Variants in IQCM observed in about 807,000 individuals in gnomAD.
IQCM encodes IQ domain-containing protein M.
IQCM carries 45 observed loss-of-function variants against 57.6 expected under a neutral mutation model. The observed-to-expected ratio is 0.78, with a 90% CI of 0.62 to 1.00. The LOEUF (loss-of-function observed/expected upper bound fraction) is 1.00. IQCM is among the 50% of genes least tolerant of loss of function. The pLI, the probability that IQCM is intolerant of heterozygous loss-of-function variation, is 0.00. For missense variants in IQCM, 468 were observed against 511.6 expected, an observed-to-expected ratio of 0.91 and a Z score of 0.82; for synonymous variants, 148 against 158.9, an observed-to-expected ratio of 0.93 and a Z score of 0.51.
intron 12 of IQCM, among the ~76,000 whole-genome samples, chr4:149,441,449 G>C (rs1417247856): frequency 6.6e-6 from 1 of 152,124 alleles, no homozygotes; most frequent in Non-Finnish European, 1.5e-5. Flanking sequence ...TTAAAACCCA[G>C]CTGGGCAAAC....
chr4:149,493,310 TG>T (rs1742297070), intron 12 of IQCM, among the ~76,000 whole-genome samples: 1 of 152,112 alleles, frequency 6.6e-6, no homozygotes, highest in Non-Finnish European at 1.5e-5. Flanking sequence ...AAAACTTAAA[TG>T]AACTTTAATT....
chr4:149,638,698 G>C (rs1579804791), intron 7 of IQCM, among the ~76,000 whole-genome samples: 1 of 152,278 alleles, frequency 6.6e-6, no homozygotes, highest in East Asian at 1.9e-4. Flanking sequence ...ATTCCAATCA[G>C]TGAATTAGCT....
intron 12 of IQCM, among the ~76,000 whole-genome samples, chr4:149,459,861 A>G (rs1490135155): frequency 6.6e-6 from 1 of 152,220 alleles, no homozygotes; most frequent in Non-Finnish European, 1.5e-5. Context: ...GCTACTGTGA[A>G]TAATGTTGTT....
At chr4:149,456,467 A>T (rs1737711791) in intron 12 of IQCM, among the ~76,000 whole-genome samples, 1 of 152,124 alleles carries the variant, frequency 6.6e-6, no homozygotes, top group Non-Finnish European at 1.5e-5. Flanking sequence ...TTTAATACAC[A>T]ATGTATACAC....
At chr4:149,751,504 C>T (rs1719428773) in intron 2 of IQCM, among the ~76,000 whole-genome samples, 1 of 152,106 alleles carries the variant, frequency 6.6e-6, no homozygotes, top group Admixed American at 6.6e-5. Context: ...AACTTAAGGT[C>T]CTGAATCCTG....
chr4:149,810,362 C>CAAAAAAAAAAAAAAAAAAAAAAAAAAA (rs748565416), intron 2 of IQCM, among the ~76,000 whole-genome samples: 1 of 86,238 alleles, frequency 1.2e-5, no homozygotes, highest in African/African-American at 3.5e-5. Flanking sequence ...ACACCATCTC[C>CAAAAAAAAAAAAAAAAAAAAAAAAAAA]AAAAAAAAAA....
At chr4:149,547,721 T>C (rs1450325092) in intron 12 of IQCM, among the ~76,000 whole-genome samples, 1 of 152,190 alleles carries the variant, frequency 6.6e-6, no homozygotes, top group East Asian at 1.9e-4. Flanking sequence ...AATTTGATTG[T>C]AGTAGTCATT....
At chr4:149,601,785 G>A (rs761961598) in intron 8 of IQCM, among the ~76,000 whole-genome samples, 9 of 152,090 alleles carry the variant, frequency 5.9e-5, no homozygotes, top group South Asian at 2.1e-4. Flanking sequence ...ATGGCCTGGC[G>A]CGGTGGCTCA....
intron 13 of IQCM, among the ~76,000 whole-genome samples, chr4:149,402,973 C>T (rs17026192): frequency 0.029 from 4,365 of 151,922 alleles, 183 homozygotes; most frequent in African/African-American, 0.097. Flanking sequence ...CAGCATGGTA[C>T]TTGCATTTTA....
At chr4:149,576,887 C>A (rs1300858583) in intron 9 of IQCM, among the ~76,000 whole-genome samples, 1 of 151,928 alleles carries the variant, frequency 6.6e-6, no homozygotes, top group Non-Finnish European at 1.5e-5. Context: ...TTCTCCACAA[C>A]CTCACTAGTA....
chr4:149,460,608 A>G (rs1409813235), intron 12 of IQCM, among the ~76,000 whole-genome samples: 1 of 152,172 alleles, frequency 6.6e-6, no homozygotes, highest in Non-Finnish European at 1.5e-5. Context: ...AGAGCATCAC[A>G]TAAGAGGATC....
chr4:149,641,710 A>G (rs1361061155), intron 7 of IQCM, among the ~76,000 whole-genome samples: 1 of 152,176 alleles, frequency 6.6e-6, no homozygotes, highest in Non-Finnish European at 1.5e-5. Context: ...CATTAAAATT[A>G]TCCTTATTTC....
intron 13 of IQCM, among the ~76,000 whole-genome samples, chr4:149,388,722 T>C (rs1731625372): frequency 6.9e-6 from 1 of 145,096 alleles, no homozygotes; most frequent in African/African-American, 2.5e-5. Context: ...ATATGTCCTT[T>C]CTCTGACATA....
At chr4:149,549,122 T>G (rs1748753116) in intron 11 of IQCM, among the ~76,000 whole-genome samples, 1 of 152,168 alleles carries the variant, frequency 6.6e-6, no homozygotes, top group Non-Finnish European at 1.5e-5. Flanking sequence ...TTAAGATACT[T>G]TGTCACTCCT....
intron 12 of IQCM, among the ~76,000 whole-genome samples, chr4:149,484,719 T>C (rs1047822874): frequency 6.6e-6 from 1 of 152,076 alleles, no homozygotes. Context: ...GTATTTCTAC[T>C]TAAGACAAGA....
At chr4:149,422,993 T>C (rs996830470) in intron 13 of IQCM, among the ~76,000 whole-genome samples, 14 of 152,208 alleles carry the variant, frequency 9.2e-5, no homozygotes, top group Middle Eastern at 6.8e-3. Flanking sequence ...TAGGACATTA[T>C]AGTTGATCAC....
At chr4:149,573,916 T>C (rs1159357421) in intron 9 of IQCM, among the ~76,000 whole-genome samples, 2 of 151,998 alleles carry the variant, frequency 1.3e-5, no homozygotes, top group Non-Finnish European at 2.9e-5. Flanking sequence ...AGGACGAAAT[T>C]ATGTCATGAC....
At chr4:149,414,514 C>A (rs1733607951) in intron 13 of IQCM, among the ~76,000 whole-genome samples, 1 of 152,008 alleles carries the variant, frequency 6.6e-6, no homozygotes, top group Non-Finnish European at 1.5e-5. Flanking sequence ...GTGCACAGAG[C>A]CATATATTAG....
chr4:149,462,577 G>A (rs1189743653), intron 12 of IQCM, among the ~76,000 whole-genome samples: 1 of 152,116 alleles, frequency 6.6e-6, no homozygotes, highest in Admixed American at 6.5e-5. Flanking sequence ...TACAGCAATA[G>A]GAGTATTTCC....
Sources: allele counts gnomAD v4.1 joint callset (sites outside exome capture counted in the v4.1 genomes callset), GRCh38; gene constraint gnomAD v4.1.1; transcripts MANE v1.5; gene names NCBI Gene and HGNC (gene_info 2026-07-23, HGNC 2026-07-21).